Variants in MAK observed in about 807,000 individuals in gnomAD.
MAK encodes serine/threonine-protein kinase MAK.
In MAK, 65 loss-of-function variants were observed where a neutral mutation model predicts 82.6. The observed-to-expected ratio is 0.79, with a 90% CI of 0.64 to 0.97. The LOEUF (loss-of-function observed/expected upper bound fraction) is 0.97. MAK is among the 50% of genes least tolerant of loss of function. The probability of loss-of-function intolerance (pLI) is 0.00; values close to 1 mark genes in which losing one functional copy is unlikely to be tolerated. For missense variants in MAK, 703 were observed against 780.2 expected (o/e 0.90, Z 1.18); for synonymous variants, 250 against 274.2 (o/e 0.91, Z 0.87).
intron 4 of MAK, among the ~76,000 whole-genome samples, chr6:10,815,812 GC>G (rs1777424965): frequency 6.6e-6 from 1 of 150,570 alleles, no homozygotes; most frequent in Admixed American, 6.6e-5. Flanking sequence ...AATCTGATGT[GC>G]AATTTATTTT....
chr6:10,814,973 G>T (rs1777347401), intron 4 of MAK, among the ~76,000 whole-genome samples: 1 of 151,712 alleles, frequency 6.6e-6, no homozygotes, highest in Non-Finnish European at 1.5e-5. Context: ...GAGGGTGGAG[G>T]TTGCAGTGAG....
intron 6 of MAK, among the ~76,000 whole-genome samples, chr6:10,807,957 A>G (rs1776621499): frequency 6.6e-6 from 1 of 151,848 alleles, no homozygotes; most frequent in Non-Finnish European, 1.5e-5. Context: ...AATCCCAGCT[A>G]CTCGGGAGGC....
Position 10,803,768 on chromosome 6 carries a change from C to T in MAK, c.615G>A (p.Glu205=), listed in dbSNP as rs138302657. 8.1e-6 allele frequency: 13 copies of T among 1,613,924 alleles called. No homozygotes were observed. In the African/African-American group the frequency reaches 1.5e-4, roughly 18 times the overall value. ...MLRPLFPGTS[E]VDEIFKICQV... ...GGCAAATTTTAAAGATTTCATCGAC[C>T]TCACTTGTCCCTGGGAAAAGTGGCC... The change falls in exon 7 of 15, where the codon GAG becomes GAA. Residue 205 remains glutamate (E), a synonymous_variant. Transcript: ENST00000354489.
chr6:10,780,365 A>G (rs1366916708), intron 11 of MAK: 2 of 367,304 alleles, frequency 5.4e-6, no homozygotes, highest in Non-Finnish European at 7.5e-6. Context: ...ATATCCTTTG[A>G]CAAAAGTTTG....
At chr6:10,781,908 C>T (rs560700660) in intron 11 of MAK, among the ~76,000 whole-genome samples, 7 of 151,844 alleles carry the variant, frequency 4.6e-5, no homozygotes, top group Non-Finnish European at 8.8e-5. Flanking sequence ...ACATCAACAA[C>T]GACAAAAAAT....
chr6:10,803,716 T>G lies in MAK; in HGVS notation c.663+4A>C, dbSNP rs1200364145. 3 of 1,612,424 alleles carry G rather than the reference T, an allele frequency of 1.9e-6. No individual in the cohort carries two copies. In the Admixed American group the frequency reaches 5.0e-5, roughly 27 times the overall value. The stretch of plus-strand genomic sequence containing the variant: ...TATAGCAACTTAGGGACAAGAGTAC[T>G]TACTTTTTTGGGAGTCCCTAAAACT... On this transcript the variant is annotated splice_donor_region_variant and intron_variant, in intron 7 of 14. Coordinates refer to ENST00000354489, the MANE Select transcript of MAK (RefSeq NM_001242957.3).
intron 8 of MAK, among the ~76,000 whole-genome samples, chr6:10,799,494 C>G (rs1775843473): frequency 1.3e-5 from 2 of 152,066 alleles, no homozygotes; most frequent in South Asian, 4.1e-4. Flanking sequence ...TGGCTCACGC[C>G]TATATTATTT....
chr6:10,838,126 G>T, intron 1 of MAK: 1 of 152,722 alleles, frequency 6.5e-6, no homozygotes, highest in Non-Finnish European at 1.5e-5. Flanking sequence ...CAGCAGGGGA[G>T]CAGAGGTGGG....
rs780233328 is a variant in MAK at position 10,791,721 on chromosome 6, T to C, written c.1270A>G (p.Ser424Gly). The change falls in exon 10 of 15, where the codon AGC becomes GGC. Residue 424 changes from serine (S) to glycine (G), a missense_variant. Ser to Gly is a moderately conservative substitution (Grantham distance 56). Transcript: ENST00000354489. Reference sequence around the variant, plus strand: ...CTTTTTTCTTTAAAAACACCCATGCTTGGCTTCTTGGAATGGGAGGCTCCG... The same window carrying C: ...CTTTTTTCTTTAAAAACACCCATGCCTGGCTTCTTGGAATGGGAGGCTCCG... ...DFGASHSKKP[S>G]MGVFKEKRKK... The C allele has an allele frequency of 6.8e-6, 11 of 1,614,148 alleles. No homozygotes were observed. The Middle Eastern group carries it at 1.8e-3, about 266-fold the overall frequency.
rs566306917 is a variant in MAK, at chr6:10,783,844, C to A, written c.1465+580G>T. Among the ~76,000 whole-genome samples the A allele has an allele frequency of 1.2e-3, 180 of 152,218 alleles. 2 individuals are homozygous for A. The highest frequency in any genetic ancestry group is 3.9e-3 in the African/African-American group (163 of 41,526). On this transcript the variant is annotated intron_variant, in intron 11 of 14. Coordinates refer to ENST00000354489, the MANE Select transcript of MAK (RefSeq NM_001242957.3). Reference sequence around the variant, plus strand: ...GACCATCCCGGCTAACACGGTGAAACACCATCTCTACTAAAAATGCAAAAA... The same window carrying A: ...GACCATCCCGGCTAACACGGTGAAAAACCATCTCTACTAAAAATGCAAAAA...
At chr6:10,779,814 A>T (rs1773802649) in intron 11 of MAK, among the ~76,000 whole-genome samples, 1 of 152,088 alleles carries the variant, frequency 6.6e-6, no homozygotes, top group Non-Finnish European at 1.5e-5. Flanking sequence ...CCTCCTGTGT[A>T]GCTGGGATTA....
chr6:10,772,148 G>A (rs184634955), intron 13 of MAK, among the ~76,000 whole-genome samples: 58 of 152,230 alleles, frequency 3.8e-4, no homozygotes, highest in African/African-American at 1.3e-3. Context: ...CTTCTTATTG[G>A]AGAAAGAAGT....
intron 4 of MAK, among the ~76,000 whole-genome samples, chr6:10,815,617 C>T (rs1318771626): frequency 6.6e-6 from 1 of 152,016 alleles, no homozygotes; most frequent in Non-Finnish European, 1.5e-5. Context: ...GGTGAAAGAG[C>T]AAGACCCTGT....
chr6:10,806,505 A>ATTTTTT (rs70991049), intron 6 of MAK, among the ~76,000 whole-genome samples: 14 of 117,118 alleles, frequency 1.2e-4, no homozygotes, highest in African/African-American at 3.7e-4. Context: ...CACCCGTCTA[A>ATTTTTT]TTTTTTTTTT....
At chr6:10,834,596 C>G (rs1387909052) in intron 1 of MAK, among the ~76,000 whole-genome samples, 1 of 152,170 alleles carries the variant, frequency 6.6e-6, no homozygotes, top group Non-Finnish European at 1.5e-5. Flanking sequence ...CACTCAAACA[C>G]TAAGATATTG....
At chr6:10,782,366 T>C (rs559617753) in intron 11 of MAK, among the ~76,000 whole-genome samples, 13 of 152,218 alleles carry the variant, frequency 8.5e-5, no homozygotes, top group Admixed American at 2.0e-4. Context: ...TACAAATACG[T>C]GTCTTCCTCC....
chr6:10,808,959 G>GA lies in MAK; in HGVS notation c.359-18dup, dbSNP rs577019954. On this transcript the variant is annotated splice_polypyrimidine_tract_variant and intron_variant, in intron 5 of 14. Coordinates refer to ENST00000354489, the MANE Select transcript of MAK (RefSeq NM_001242957.3). The stretch of plus-strand genomic sequence containing the variant: ...GAAAAAAGCCTTGATGATATACGGA[G>GA]AAAAAAAAATACAGTAAATCATTAC... 5.9e-4 allele frequency: 934 copies of GA among 1,576,528 alleles called. No individual in the cohort carries two copies. Among genetic ancestry groups the GA allele is most frequent in the Non-Finnish European group, 6.8e-4 (782 of 1,152,396 alleles).
In MAK at chr6:10,770,160, C is replaced by G. The variant is rs556910057; in HGVS notation, c.1743G>C (p.Gln581His). ...CTAAGTGGATCCTCTGGCCAGCTGA[C>G]TGCACTTCTTTTTTGAGAAAGGAAG... ...YIPSFLKKEV[Q>H]SAGQRIHLAP... Residue 581 changes from glutamine to histidine, a missense_variant, in exon 14 of 15, where the codon CAG becomes CAC. Coordinates refer to ENST00000354489, the MANE Select transcript of MAK (RefSeq NM_001242957.3). 1.2e-6 allele frequency: 2 copies of G among 1,614,150 alleles called. No homozygotes were observed. Among genetic ancestry groups the G allele is most frequent in the South Asian group, 2.2e-5 (2 of 91,086 alleles).
Position 10,808,906 on chromosome 6 carries a change from A to AGAAG in MAK, c.394_395insCTTC (p.Leu132ProfsTer13), listed in dbSNP as rs760171531. On this transcript the variant is annotated frameshift_variant, in exon 6 of 15. Coordinates refer to ENST00000354489, the MANE Select transcript of MAK (RefSeq NM_001242957.3). LOFTEE classifies it high-confidence loss of function. ...TTTCACAAGCTCTGGACCCATACAA[A>AGAAG]GCAAGTTTTCTGGTTTCATGTCCCT... 16 of 1,613,866 alleles carry AGAAG rather than the reference A, an allele frequency of 9.9e-6. No individual in the cohort carries two copies. Among genetic ancestry groups the AGAAG allele is most frequent in the Non-Finnish European group, 1.3e-5 (15 of 1,179,920 alleles).
Sources: allele counts gnomAD v4.1 joint callset (sites outside exome capture counted in the v4.1 genomes callset), GRCh38; gene constraint gnomAD v4.1.1; transcripts MANE v1.5; gene names NCBI Gene and HGNC (gene_info 2026-07-23, HGNC 2026-07-21).